The following PRORP variants were observed in gnomAD, a reference collection of about 807,000 sequenced individuals.
PRORP encodes protein only RNase P catalytic subunit, also known as mitochondrial ribonuclease P catalytic subunit.
In PRORP, 51 loss-of-function variants were observed where a neutral mutation model predicts 59.4. The observed-to-expected ratio is 0.86, with a 90% confidence interval of 0.69 to 1.08. PRORP has a LOEUF of 1.08. PRORP is among the 50% of genes least tolerant of loss of function. PRORP has a pLI of 0.00. For missense variants in PRORP, 646 were observed against 690.3 expected (o/e 0.94, Z 0.72); for synonymous variants, 231 against 245.6 (o/e 0.94, Z 0.55).
intron 5 of PRORP, among the ~76,000 whole-genome samples, chr14:35,259,170 C>T (rs1246971425): frequency 1.3e-5 from 2 of 152,158 alleles, no homozygotes; most frequent in Non-Finnish European, 2.9e-5. Flanking sequence ...GCTATGTTTT[C>T]TTAGATTGAC....
chr14:35,254,485 C>T (rs181431525), intron 5 of PRORP, among the ~76,000 whole-genome samples: 5 of 152,254 alleles, frequency 3.3e-5, no homozygotes, highest in South Asian at 2.1e-4. Context: ...CTCTGCCTCC[C>T]GAGTTCAAGC....
Position 35,123,216 on chromosome 14 carries a change from C to T in PRORP, c.-30C>T, listed in dbSNP as rs1316778165. 1.3e-6 allele frequency: 2 copies of T among 1,574,302 alleles called. No homozygotes were observed. Among genetic ancestry groups the T allele is most frequent in the African/African-American group, 1.4e-5 (1 of 73,746 alleles). On this transcript the variant is annotated 5_prime_UTR_variant, in exon 2 of 8. Transcript: ENST00000534898. ...GAAGAGGGGTTTTTTCAACATCTCT[C>T]TCACTATCTGGTGCTGATCTCACTG...
intron 4 of PRORP, among the ~76,000 whole-genome samples, chr14:35,138,750 G>A (rs2047424161): frequency 6.9e-6 from 1 of 144,524 alleles, no homozygotes; most frequent in African/African-American, 2.4e-5. Flanking sequence ...AGAATACTTG[G>A]GAAGTGTTTA....
chr14:35,201,355 T>G (rs928790384), intron 5 of PRORP, among the ~76,000 whole-genome samples: 1 of 152,216 alleles, frequency 6.6e-6, no homozygotes, highest in Non-Finnish European at 1.5e-5. Context: ...TTCACTTCCT[T>G]GAGGGCAGAG....
intron 4 of PRORP, among the ~76,000 whole-genome samples, chr14:35,127,942 A>C (rs1386273762): frequency 6.6e-6 from 1 of 152,198 alleles, no homozygotes; most frequent in Non-Finnish European, 1.5e-5. Flanking sequence ...ATCCTATTAT[A>C]CTGGGGCATA....
Position 35,123,960 on chromosome 14 carries a change from GTT to G in PRORP, c.716_717del (p.Val239AspfsTer9). The G allele has an allele frequency of 6.2e-7, 1 of 1,614,094 alleles. No homozygotes were observed. Among genetic ancestry groups the G allele is most frequent in the Non-Finnish European group, 8.5e-7 (1 of 1,180,010 alleles). On this transcript the variant is annotated frameshift_variant, in exon 2 of 8. Transcript: ENST00000534898. LOFTEE classifies it high-confidence loss of function. ...ALLLLEDIKK[V>X]ITPSKKNYND... ...GTTGCTGTTAGAGGACATCAAAAAAGTTATAACTCCTTCAAAAAAGAACTATA... is the reference window on the plus strand; with the variant it reads ...GTTGCTGTTAGAGGACATCAAAAAAGATAACTCCTTCAAAAAAGAACTATA...
chr14:35,206,227 T>C (rs1447074742), intron 5 of PRORP, among the ~76,000 whole-genome samples: 2 of 152,194 alleles, frequency 1.3e-5, no homozygotes, highest in South Asian at 2.1e-4. Context: ...CTCTAGTCTT[T>C]CTGGTGAAGA....
chr14:35,191,069 G>T (rs1283233145), intron 5 of PRORP, among the ~76,000 whole-genome samples: 1 of 152,152 alleles, frequency 6.6e-6, no homozygotes, highest in African/African-American at 2.4e-5. Context: ...AGGCATGGTA[G>T]CATGCACCTG....
At chr14:35,236,888 C>T (rs922872675) in intron 5 of PRORP, among the ~76,000 whole-genome samples, 4 of 152,080 alleles carry the variant, frequency 2.6e-5, no homozygotes, top group African/African-American at 9.7e-5. Context: ...AATTTTACCT[C>T]CTAATTATTT....
At chr14:35,242,005 T>G (rs2050381809) in intron 5 of PRORP, among the ~76,000 whole-genome samples, 1 of 152,188 alleles carries the variant, frequency 6.6e-6, no homozygotes. Context: ...CATGTCTTGT[T>G]TACCCTTATA....
intron 4 of PRORP, among the ~76,000 whole-genome samples, chr14:35,154,496 AG>A (rs916006232): frequency 2.6e-5 from 4 of 152,220 alleles, no homozygotes; most frequent in Non-Finnish European, 1.5e-5. Flanking sequence ...AATAGTAAAT[AG>A]GAGAGTTAAG....
intron 4 of PRORP, among the ~76,000 whole-genome samples, chr14:35,135,252 G>A (rs2047344628): frequency 1.3e-5 from 2 of 152,194 alleles, no homozygotes; most frequent in South Asian, 4.1e-4. Context: ...CAGGTACTGT[G>A]AGTCCTCACC....
At chr14:35,215,321 A>C (rs1430960036) in intron 5 of PRORP, among the ~76,000 whole-genome samples, 4 of 152,114 alleles carry the variant, frequency 2.6e-5, no homozygotes. Context: ...CAATGGTAGA[A>C]TCTCAGCTTA....
chr14:35,214,661 CTT>C (rs2049539676), intron 5 of PRORP, among the ~76,000 whole-genome samples: 1 of 152,144 alleles, frequency 6.6e-6, no homozygotes, highest in African/African-American at 2.4e-5. Context: ...AATCTCAACA[CTT>C]TGTGAGGCTG....
intron 5 of PRORP, among the ~76,000 whole-genome samples, chr14:35,206,100 C>A (rs1374905334): frequency 6.6e-6 from 1 of 152,210 alleles, no homozygotes; most frequent in Non-Finnish European, 1.5e-5. Context: ...GAATATTTGA[C>A]TTGAAGTGCA....
intron 4 of PRORP, among the ~76,000 whole-genome samples, chr14:35,131,126 A>G (rs2047227707): frequency 6.6e-6 from 1 of 151,658 alleles, no homozygotes; most frequent in Non-Finnish European, 1.5e-5. Context: ...TATTTTTAAT[A>G]GAGACGGGGT....
intron 5 of PRORP, among the ~76,000 whole-genome samples, chr14:35,225,760 C>T (rs1350870594): frequency 6.6e-6 from 1 of 152,018 alleles, no homozygotes; most frequent in Admixed American, 6.6e-5. Flanking sequence ...TAGAAAACAG[C>T]TTAGGGCTGG....
chr14:35,188,699 C>T (rs142463582), intron 5 of PRORP, among the ~76,000 whole-genome samples: 6 of 151,690 alleles, frequency 4.0e-5, no homozygotes, highest in African/African-American at 7.3e-5. Context: ...GCCTAAGAGC[C>T]GGGCGCCGTG....
intron 4 of PRORP, among the ~76,000 whole-genome samples, chr14:35,140,784 A>G (rs1405717289): frequency 6.9e-6 from 1 of 145,852 alleles, no homozygotes; most frequent in Non-Finnish European, 1.5e-5. Flanking sequence ...GAGGAAACTT[A>G]AAGTATGGCA....
Sources: allele counts gnomAD v4.1 joint callset (sites outside exome capture counted in the v4.1 genomes callset), GRCh38; gene constraint gnomAD v4.1.1; transcripts MANE v1.5; gene names NCBI Gene and HGNC (gene_info 2026-07-23, HGNC 2026-07-21).